Variants in SLC7A2 observed in about 807,000 individuals in gnomAD.
SLC7A2 encodes the protein solute carrier family 7 member 2.
In SLC7A2, 48 loss-of-function variants were observed where a neutral mutation model predicts 58.9. The ratio of observed to expected loss-of-function variants is 0.82; its 90% CI spans 0.65 to 1.04. The LOEUF (loss-of-function observed/expected upper bound fraction) is 1.04. Among genes scored for constraint, SLC7A2 ranks in the 50% least tolerant of loss-of-function variants. The pLI, the probability that SLC7A2 is intolerant of heterozygous loss-of-function variation, is 0.00. For synonymous variants in SLC7A2, 363 were observed against 314.5 expected (o/e 1.15, Z -1.63); for missense variants, 1,029 against 818.8 (o/e 1.26, Z -3.13).
chr8:17,565,028 C>G lies in SLC7A2; in HGVS notation c.1859C>G (p.Ala620Gly). The G allele has an allele frequency of 6.2e-7, 1 of 1,613,728 alleles. No homozygotes were observed. Among genetic ancestry groups the G allele is most frequent in the South Asian group, 1.1e-5 (1 of 91,038 alleles). The change falls in exon 13 of 13, where the codon GCT (alanine) becomes GGT (glycine). Residue 620 changes from alanine (A) to glycine (G), a missense_variant. By Grantham distance (60) the Ala-to-Gly change is moderately conservative (BLOSUM62 0). Transcript: ENST00000494857. ...AGAGATGAAAACAATGAAGAAGATG[C>G]TTATCCAGACAACGTTCATGCAGCA... ...HLRDENNEED[A>G]YPDNVHAAAE...
intron 1 of SLC7A2, chr8:17,500,256 T>G (rs898207717): frequency 6.6e-6 from 1 of 152,250 alleles, no homozygotes; most frequent in Non-Finnish European, 1.5e-5. Flanking sequence ...CTCTAATACA[T>G]GAAGGCGATG....
In SLC7A2 at chr8:17,543,316, A is replaced by G; in HGVS notation, c.-22-2A>G. The G allele has an allele frequency of 1.3e-6, 2 of 1,596,080 alleles. No homozygotes were observed. ...GCTTCTAACCTCCTCCCTTCTGCTC[A>G]GGTCGCCTTCGTCAGACGTCAGAAT... On this transcript the variant is annotated splice_acceptor_variant, in intron 2 of 12. Transcript: ENST00000494857. LOFTEE classifies it low-confidence loss of function (5UTR_SPLICE).
chr8:17,541,760 G>A (rs543723357), intron 2 of SLC7A2, among the ~76,000 whole-genome samples: 2 of 152,228 alleles, frequency 1.3e-5, no homozygotes, highest in South Asian at 4.1e-4. Flanking sequence ...ATAGGTATTA[G>A]CAATGTAACA....
intron 10 of SLC7A2, 105 bp from the exon 11 acceptor site, chr8:17,561,839 A>G (rs1310643012): frequency 3.0e-6 from 3 of 1,011,232 alleles, no homozygotes; most frequent in Non-Finnish European, 4.4e-6. Context: ...TTAGCCAAGT[A>G]GATGTGTACA....
chr8:17,511,373 G>C (rs1191136953), intron 2 of SLC7A2: 1 of 152,152 alleles, frequency 6.6e-6, no homozygotes, highest in African/African-American at 2.4e-5. Context: ...CCTAGGAAGA[G>C]GGAGGAGTTG....
At chr8:17,533,690 C>T (rs1191844447) in intron 2 of SLC7A2, among the ~76,000 whole-genome samples, 1 of 152,226 alleles carries the variant, frequency 6.6e-6, no homozygotes. Flanking sequence ...CATGCACATA[C>T]TTCTGGCATC....
chr8:17,516,301 C>T (rs1190315868), intron 2 of SLC7A2, among the ~76,000 whole-genome samples: 6 of 152,060 alleles, frequency 3.9e-5, no homozygotes, highest in Admixed American at 6.5e-5. Context: ...TCTCGGCTCA[C>T]TGCAACCTCC....
upstream of SLC7A2, among the ~76,000 whole-genome samples, chr8:17,496,504 G>C (rs930298512): frequency 6.6e-6 from 1 of 152,104 alleles, no homozygotes; most frequent in African/African-American, 2.4e-5. Context: ...TGTAACTTCT[G>C]CTCTTGCTCC....
At chr8:17,562,784 G>A (rs191331951) in intron 11 of SLC7A2, among the ~76,000 whole-genome samples, 2 of 152,288 alleles carry the variant, frequency 1.3e-5, no homozygotes, top group Admixed American at 1.3e-4. Context: ...CAAAAAAGTA[G>A]GGTGAGTATT....
At chr8:17,546,245 T>C (rs1261720590) in intron 4 of SLC7A2, among the ~76,000 whole-genome samples, 1 of 152,214 alleles carries the variant, frequency 6.6e-6, no homozygotes, top group Non-Finnish European at 1.5e-5. Context: ...AATTAGAACA[T>C]AGTTTAATTC....
At chr8:17,503,568 C>G (rs560527446) in intron 2 of SLC7A2, among the ~76,000 whole-genome samples, 2 of 151,982 alleles carry the variant, frequency 1.3e-5, no homozygotes, top group South Asian at 4.2e-4. Flanking sequence ...CAAATGGCAA[C>G]TCTTCATGAT....
chr8:17,543,153 A>C lies in SLC7A2; in HGVS notation c.-22-165A>C, dbSNP rs1431850142. On this transcript the variant is annotated intron_variant, in intron 2 of 12. Transcript: ENST00000494857. Reference sequence around the variant, plus strand: ...CTCTGGTTATTAAACCTTCCTTCTGACTGCTCTGGGTCACTGCATCTCTTC... The same window carrying C: ...CTCTGGTTATTAAACCTTCCTTCTGCCTGCTCTGGGTCACTGCATCTCTTC... 3.3e-5 allele frequency among the ~76,000 whole-genome samples: 5 copies of C among 151,604 alleles called. No individual in the cohort carries two copies. The East Asian group carries it at 9.7e-4, about 29-fold the overall frequency.
intron 2 of SLC7A2, among the ~76,000 whole-genome samples, chr8:17,513,030 T>C (rs1008138373): frequency 1.3e-5 from 2 of 152,228 alleles, no homozygotes; most frequent in Non-Finnish European, 2.9e-5. Context: ...TATTAGTCCA[T>C]TTCTCCATGA....
At chr8:17,562,531 G>A (rs1222530354) in intron 11 of SLC7A2, among the ~76,000 whole-genome samples, 1 of 151,912 alleles carries the variant, frequency 6.6e-6, no homozygotes, top group African/African-American at 2.4e-5. Flanking sequence ...TGGTGATAGG[G>A]TTTTGCTACA....
chr8:17,505,968 T>C (rs917476443), intron 2 of SLC7A2, among the ~76,000 whole-genome samples: 2 of 152,212 alleles, frequency 1.3e-5, no homozygotes, highest in Non-Finnish European at 2.9e-5. Flanking sequence ...AGGTATAATA[T>C]TGAGACGAAG....
At chr8:17,530,352 G>A (rs1801397492) in intron 2 of SLC7A2, among the ~76,000 whole-genome samples, 2 of 152,266 alleles carry the variant, frequency 1.3e-5, no homozygotes, top group South Asian at 4.1e-4. Context: ...CTGGATACAT[G>A]CAGTTCAGTC....
At chr8:17,512,772 C>T (rs1318231282) in intron 2 of SLC7A2, among the ~76,000 whole-genome samples, 3 of 152,148 alleles carry the variant, frequency 2.0e-5, no homozygotes, top group Non-Finnish European at 4.4e-5. Flanking sequence ...AACTCTGTAC[C>T]GTTTAATCAG....
rs573263067 is a variant in SLC7A2, at chr8:17,557,347, A to G, written c.1196-948A>G. ...ACAGTTGCTTAGTGGAAGTTAAGCT[A>G]TTTAACTGTTTAAAGTATGTTTTGT... On this transcript the variant is annotated intron_variant, in intron 8 of 12. Coordinates refer to ENST00000494857, the MANE Select transcript of SLC7A2 (RefSeq NM_001370338.1). Among the ~76,000 whole-genome samples the G allele has an allele frequency of 1.5e-3, 228 of 152,316 alleles. 1 individual carries two copies. Among genetic ancestry groups the G allele is most frequent in the African/African-American group, 5.1e-3 (212 of 41,576 alleles).
In SLC7A2 at chr8:17,555,042, G is replaced by T. The variant is rs781209607; in HGVS notation, c.1195+343G>T. ...TTCTTGCCAGAGTGAGTAAGAGGCA[G>T]TCACCAGTTGCTGCCACGTTGACTG... On this transcript the variant is annotated intron_variant, in intron 8 of 12. Transcript: ENST00000494857. 1.9e-6 allele frequency: 3 copies of T among 1,614,022 alleles called. No individual in the cohort carries two copies. The South Asian group carries it at 3.3e-5, about 18-fold the overall frequency.
Sources: allele counts gnomAD v4.1 joint callset (sites outside exome capture counted in the v4.1 genomes callset), GRCh38; gene constraint gnomAD v4.1.1; transcripts MANE v1.5; gene names NCBI Gene and HGNC (gene_info 2026-07-23, HGNC 2026-07-21).